The following EIF4G3 variants were observed in gnomAD, a reference collection of about 807,000 sequenced individuals.
EIF4G3 encodes the protein eIF-4-gamma 3.
Under a neutral mutation model 186.4 loss-of-function variants are expected in EIF4G3, and 34 were observed. The ratio of observed to expected loss-of-function variants is 0.18; its 90% CI spans 0.14 to 0.24. The LOEUF is 0.24. Ranked by LOEUF, EIF4G3 falls within the 10% of genes least tolerant of loss-of-function variation. The pLI is 1.00. For synonymous variants in EIF4G3, 673 were observed against 679.5 expected (o/e 0.99, Z 0.15); for missense variants, 1,536 against 1,948.5 (o/e 0.79, Z 3.99).
At chr1:20,958,138 A>G (rs761961708) in intron 12 of EIF4G3, among the ~76,000 whole-genome samples, 14 of 152,216 alleles carry the variant, frequency 9.2e-5, no homozygotes, top group Non-Finnish European at 1.9e-4. Flanking sequence ...ACACAGATAT[A>G]AAAACTGTCA....
chr1:20,882,640 CA>C (rs1318377568), intron 19 of EIF4G3, among the ~76,000 whole-genome samples: 46 of 138,534 alleles, frequency 3.3e-4, no homozygotes, highest in Admixed American at 1.6e-3. Flanking sequence ...CAAAAAAAAA[CA>C]AAAAAAAATT....
chr1:21,004,848 G>C (rs765892481), intron 4 of EIF4G3, among the ~76,000 whole-genome samples: 6 of 151,890 alleles, frequency 4.0e-5, no homozygotes, highest in East Asian at 3.9e-4. Flanking sequence ...ATTAGACACA[G>C]AGGCTATCCG....
At chr1:21,055,402 T>C (rs891109283) in intron 3 of EIF4G3, among the ~76,000 whole-genome samples, 5 of 152,022 alleles carry the variant, frequency 3.3e-5, no homozygotes, top group African/African-American at 1.2e-4. Flanking sequence ...CCCATGACAA[T>C]TAAATCATAG....
intron 14 of EIF4G3, among the ~76,000 whole-genome samples, chr1:20,934,374 A>C (rs1489282939): frequency 2.6e-5 from 4 of 152,206 alleles, no homozygotes; most frequent in Non-Finnish European, 5.9e-5. Flanking sequence ...GGACTCAGAG[A>C]GCGTCTCTGG....
chr1:20,942,581 T>C (rs2154562445), intron 13 of EIF4G3, among the ~76,000 whole-genome samples: 1 of 152,314 alleles, frequency 6.6e-6, no homozygotes, highest in South Asian at 2.1e-4. Flanking sequence ...AAAAATTATA[T>C]ATCAAGAATA....
At chr1:20,974,444 AT>A (rs1284839380) in intron 10 of EIF4G3, among the ~76,000 whole-genome samples, 5 of 152,196 alleles carry the variant, frequency 3.3e-5, no homozygotes, top group African/African-American at 1.2e-4. Flanking sequence ...ACCACATCAA[AT>A]GGTGCTGAAG....
intron 4 of EIF4G3, among the ~76,000 whole-genome samples, chr1:21,043,765 T>C (rs1038196161): frequency 6.6e-6 from 1 of 150,794 alleles, no homozygotes. Flanking sequence ...CCAGCTACTC[T>C]CAGGAGGCTA....
At chr1:21,034,220 C>G (rs909757462) in intron 4 of EIF4G3, among the ~76,000 whole-genome samples, 1 of 152,152 alleles carries the variant, frequency 6.6e-6, no homozygotes, top group Non-Finnish European at 1.5e-5. Context: ...CTTTTCAACA[C>G]CAGGGACATT....
At chr1:21,071,102 A>T (rs962785680) in intron 3 of EIF4G3, among the ~76,000 whole-genome samples, 2 of 152,190 alleles carry the variant, frequency 1.3e-5, no homozygotes, top group Non-Finnish European at 2.9e-5. Flanking sequence ...TAAATGATTG[A>T]TCTAATATAA....
chr1:21,104,336 T>C (rs1367618722), intron 2 of EIF4G3, among the ~76,000 whole-genome samples: 1 of 152,164 alleles, frequency 6.6e-6, no homozygotes, highest in Non-Finnish European at 1.5e-5. Flanking sequence ...TTACATTCTA[T>C]TGGGAGCAAA....
intron 14 of EIF4G3, among the ~76,000 whole-genome samples, chr1:20,908,475 G>C (rs900403410): frequency 8.5e-5 from 13 of 152,192 alleles, no homozygotes; most frequent in African/African-American, 2.9e-4. Flanking sequence ...ACAGTTTACT[G>C]TTCCTACAGT....
intron 2 of EIF4G3, chr1:21,175,384 G>T (rs2098082276): frequency 1.3e-5 from 2 of 152,272 alleles, no homozygotes; most frequent in South Asian, 2.1e-4. Context: ...AGAAGCCCTG[G>T]TAACTCTCTA....
In EIF4G3 at chr1:21,176,858, A is replaced by G. The variant is rs1211172614; in HGVS notation, c.-592T>C. On this transcript the variant is annotated 5_prime_UTR_variant, in exon 1 of 37. An upstream start codon of the reference 5' UTR is lost. Coordinates refer to ENST00000602326, the MANE Select transcript of EIF4G3 (RefSeq NM_001391906.1). ...TCACTCAACGAGCAGAGCATCCAACATGGCGCTGTGGCCGCCTCCAGCAGT... is the reference window on the plus strand; with the variant it reads ...TCACTCAACGAGCAGAGCATCCAACGTGGCGCTGTGGCCGCCTCCAGCAGT... 7.1e-6 allele frequency: 5 copies of G among 700,404 alleles called. No individual in the cohort carries two copies. Among genetic ancestry groups the G allele is most frequent in the Non-Finnish European group, 1.3e-5 (5 of 383,392 alleles). The allele number at this position is 700,404 out of a possible 1,614,324, so 43.4% of individuals were successfully genotyped here.
chr1:21,127,829 T>C (rs1399541906), intron 2 of EIF4G3, among the ~76,000 whole-genome samples: 2 of 152,168 alleles, frequency 1.3e-5, no homozygotes, highest in African/African-American at 2.4e-5. Context: ...GTCTTATAAA[T>C]TGCACAATTC....
chr1:20,958,587 T>C (rs376581314), intron 12 of EIF4G3, among the ~76,000 whole-genome samples: 50 of 152,184 alleles, frequency 3.3e-4, no homozygotes, highest in South Asian at 1.0e-3. Context: ...GGCATCCAAA[T>C]TGGAAAAGAG....
intron 14 of EIF4G3, among the ~76,000 whole-genome samples, chr1:20,908,760 G>C (rs1271842597): frequency 1.3e-5 from 2 of 152,160 alleles, no homozygotes; most frequent in Non-Finnish European, 2.9e-5. Flanking sequence ...CTTGGAGACT[G>C]AGGGCTAGGG....
intron 14 of EIF4G3, among the ~76,000 whole-genome samples, chr1:20,931,461 T>C (rs1038384916): frequency 6.6e-6 from 1 of 152,108 alleles, no homozygotes; most frequent in African/African-American, 2.4e-5. Context: ...TTATAGAGCA[T>C]AGGAAGAATA....
chr1:21,013,350 T>G (rs1297114309), intron 4 of EIF4G3, among the ~76,000 whole-genome samples: 1 of 152,178 alleles, frequency 6.6e-6, no homozygotes, highest in Admixed American at 6.5e-5. Flanking sequence ...AAAAATTTTT[T>G]TAATGTATAT....
At chr1:20,961,052 G>T (rs1377843857) in intron 12 of EIF4G3, among the ~76,000 whole-genome samples, 2 of 152,170 alleles carry the variant, frequency 1.3e-5, no homozygotes, top group Non-Finnish European at 2.9e-5. Context: ...GATAAGCAAT[G>T]AGTAGGTCTT....
Sources: gnomAD v4.1 joint callset for allele counts (sites outside exome capture counted in the v4.1 genomes callset) on GRCh38, gnomAD v4.1.1 for gene constraint, MANE v1.5 for transcripts, NCBI Gene and HGNC (gene_info 2026-07-23, HGNC 2026-07-21) for gene names.